DIAPH2: variants seen among roughly 807,000 people sequenced by gnomAD.
DIAPH2 encodes protein diaphanous homolog 2.
Under a neutral mutation model 92.7 loss-of-function variants are expected in DIAPH2, and 35 were observed. The ratio of observed to expected loss-of-function variants is 0.38; its 90% confidence interval spans 0.29 to 0.50. The LOEUF is 0.50. DIAPH2 is among the 20% of genes least tolerant of loss of function. The probability of loss-of-function intolerance (pLI) is 0.94; values close to 1 mark genes in which losing one functional copy is unlikely to be tolerated. For synonymous variants in DIAPH2, 301 were observed against 280.4 expected, an observed-to-expected ratio of 1.07 and a Z score of -0.73; for missense variants, 701 against 819.5, an observed-to-expected ratio of 0.86 and a Z score of 1.77.
At chrX:97,221,140 G>A (rs1244571828) in intron 22 of DIAPH2, among the ~76,000 whole-genome samples, 1 of 109,450 alleles carries the variant, frequency 9.1e-6, no homozygotes, top group African/African-American at 3.3e-5. Flanking sequence ...AAAAAAAACC[G>A]AAATGGCCTA....
intron 19 of DIAPH2, among the ~76,000 whole-genome samples, chrX:97,089,936 G>A (rs778181095): frequency 9.0e-5 from 10 of 110,935 alleles, no homozygotes; most frequent in African/African-American, 2.0e-4. Flanking sequence ...CACCGTGTTC[G>A]GCAAGATGGT....
chrX:96,687,482 A>C (rs1469524049), intron 1 of DIAPH2, among the ~76,000 whole-genome samples: 1 of 106,923 alleles, frequency 9.4e-6, no homozygotes, highest in East Asian at 2.9e-4. Flanking sequence ...CTCTGTTGCC[A>C]TGGCTGGAGT....
intron 1 of DIAPH2, among the ~76,000 whole-genome samples, chrX:96,730,816 CA>C (rs2064049353): frequency 9.0e-6 from 1 of 111,170 alleles, no homozygotes; most frequent in South Asian, 3.9e-4. Context: ...AAGAGACCAC[CA>C]AACAGGCTTT....
At chrX:97,061,693 A>G (rs753078235) in intron 17 of DIAPH2, among the ~76,000 whole-genome samples, 2 of 108,452 alleles carry the variant, frequency 1.8e-5, no homozygotes, top group African/African-American at 6.7e-5. Context: ...GCACGCCTGT[A>G]ATCCCAGCTA....
At chrX:96,695,269 G>C (rs2063819547) in intron 1 of DIAPH2, among the ~76,000 whole-genome samples, 1 of 112,407 alleles carries the variant, frequency 8.9e-6, no homozygotes, top group African/African-American at 3.2e-5. Context: ...CTTTAAACAA[G>C]CTGTTACAGG....
intron 17 of DIAPH2, among the ~76,000 whole-genome samples, chrX:97,063,241 T>C (rs1054845828): frequency 5.4e-5 from 6 of 111,438 alleles, no homozygotes; most frequent in Non-Finnish European, 7.5e-5. Flanking sequence ...ATGTTTCCCA[T>C]TGAGCTCAGC....
intron 24 of DIAPH2, among the ~76,000 whole-genome samples, chrX:97,352,279 G>A (rs995196603): frequency 8.1e-5 from 9 of 110,838 alleles, no homozygotes; most frequent in Non-Finnish European, 1.3e-4. Flanking sequence ...ATCTTCCTCC[G>A]ATAGAGATAT....
At chrX:97,475,625 T>A (rs2070597537) in intron 26 of DIAPH2, among the ~76,000 whole-genome samples, 1 of 111,829 alleles carries the variant, frequency 8.9e-6, no homozygotes, top group African/African-American at 3.2e-5. Context: ...ATAGAGATCA[T>A]CTGTAGATAT....
At chrX:97,042,465 T>C (rs1209939204) in intron 17 of DIAPH2, among the ~76,000 whole-genome samples, 1 of 112,003 alleles carries the variant, frequency 8.9e-6, no homozygotes, top group African/African-American at 3.2e-5. Flanking sequence ...GAGTCACTCA[T>C]TGAAAATAAA....
At chrX:97,077,282 G>C (rs1487973866) in intron 19 of DIAPH2, among the ~76,000 whole-genome samples, 2 of 111,680 alleles carry the variant, frequency 1.8e-5, no homozygotes, top group African/African-American at 6.5e-5. Flanking sequence ...ATAATCACTA[G>C]CACCTTTTTC....
At chrX:96,787,958 C>T (rs1420662745) in intron 4 of DIAPH2, among the ~76,000 whole-genome samples, 1 of 108,858 alleles carries the variant, frequency 9.2e-6, no homozygotes, top group Non-Finnish European at 1.9e-5. Flanking sequence ...GATCTGCCCA[C>T]CTTGGCCTCC....
intron 5 of DIAPH2, among the ~76,000 whole-genome samples, chrX:96,883,752 A>G (rs1243418927): frequency 9.0e-6 from 1 of 110,559 alleles, no homozygotes; most frequent in Non-Finnish European, 1.9e-5. Context: ...ACGGTGGTGC[A>G]TTTTTCCCCC....
chrX:97,275,831 T>C (rs1219611197), intron 23 of DIAPH2, among the ~76,000 whole-genome samples: 4 of 108,283 alleles, frequency 3.7e-5, no homozygotes, highest in Non-Finnish European at 7.7e-5. Flanking sequence ...ACATCTCAGA[T>C]GATGGGCGGC....
intron 19 of DIAPH2, among the ~76,000 whole-genome samples, chrX:97,096,047 T>C (rs958734346): frequency 3.6e-5 from 4 of 111,891 alleles, no homozygotes; most frequent in African/African-American, 1.3e-4. Flanking sequence ...CAGGTGGGGT[T>C]GGGGGACGGC....
intron 4 of DIAPH2, among the ~76,000 whole-genome samples, chrX:96,826,428 A>G (rs1215549883): frequency 1.2e-4 from 13 of 110,982 alleles, no homozygotes; most frequent in Admixed American, 8.6e-4. Flanking sequence ...AAAAAAAAAA[A>G]GAAATGTGGT....
intron 22 of DIAPH2, among the ~76,000 whole-genome samples, chrX:97,220,544 A>G (rs755184231): frequency 1.8e-5 from 2 of 111,571 alleles, no homozygotes; most frequent in South Asian, 7.5e-4. Flanking sequence ...ATGAGATACC[A>G]GGGTGGGGCC....
At chrX:96,753,495 T>G (rs2064206355) in intron 3 of DIAPH2, among the ~76,000 whole-genome samples, 1 of 111,621 alleles carries the variant, frequency 9.0e-6, no homozygotes, top group Admixed American at 9.5e-5. Context: ...GAAGATAAGT[T>G]GAGTACTTTA....
intron 4 of DIAPH2, among the ~76,000 whole-genome samples, chrX:96,794,420 G>A (rs755811441): frequency 1.8e-5 from 2 of 109,906 alleles, no homozygotes; most frequent in Admixed American, 9.7e-5. Flanking sequence ...TTTTGAATTG[G>A]CAGGCATCTT....
rs1243624014 is a variant in DIAPH2 at position 96,708,928 on chromosome X, C to A, written c.132+23738C>A. On this transcript the variant is annotated intron_variant, in intron 1 of 26. Transcript: ENST00000324765. ...TCTATGAGAGCAGCAGAGAGGCTTCCGGGGTTGAGGGTAGGCAAATAGGGC... is the reference window on the plus strand; with the variant it reads ...TCTATGAGAGCAGCAGAGAGGCTTCAGGGGTTGAGGGTAGGCAAATAGGGC... Among the ~76,000 whole-genome samples, 9 of 111,779 alleles carry A rather than the reference C, an allele frequency of 8.1e-5. No individual in the cohort carries two copies. In the East Asian group the frequency reaches 2.5e-3, roughly 31 times the overall value.
Sources: gnomAD v4.1 joint callset for allele counts (sites outside exome capture counted in the v4.1 genomes callset) on GRCh38, gnomAD v4.1.1 for gene constraint, MANE v1.5 for transcripts, NCBI Gene and HGNC (gene_info 2026-07-23, HGNC 2026-07-21) for gene names.